GPNMB: variants seen among roughly 807,000 people sequenced by gnomAD.
GPNMB encodes the protein glycoprotein nmb.
Under a neutral mutation model 57.3 loss-of-function variants are expected in GPNMB, and 71 were observed. The ratio of observed to expected loss-of-function variants is 1.24; its 90% CI spans 1.02 to 1.51. The LOEUF (loss-of-function observed/expected upper bound fraction) is 1.51. GPNMB is among the 40% of genes most tolerant of loss of function. GPNMB has a pLI of 0.00. For synonymous variants in GPNMB, 253 were observed against 263.2 expected, an observed-to-expected ratio of 0.96 and a Z score of 0.38; for missense variants, 677 against 691.9, an observed-to-expected ratio of 0.98 and a Z score of 0.24.
chr7:23,246,786 G>A lies in GPNMB; in HGVS notation c.-72G>A. The A allele has an allele frequency of 2.8e-6, 3 of 1,089,966 alleles. No individual in the cohort carries two copies. The South Asian group carries it at 3.7e-5, about 14-fold the overall frequency. 67.5% of individuals were successfully genotyped at this position (1,089,966 alleles called of 1,614,324 possible). A position where few individuals can be genotyped will look rare whatever the true frequency, so the allele number is the denominator to read the frequency against. On this transcript the variant is annotated 5_prime_UTR_variant, in exon 1 of 11. Transcript: ENST00000258733. ...GCACCACAGATGCCAGAAGAACACT[G>A]TTGCTCTTGGTGGACGGGCCCAGAG...
At chr7:23,257,218 A>G in intron 4 of GPNMB, 153 bp downstream of exon 4, 1 of 717,410 alleles carries the variant, frequency 1.4e-6, no homozygotes, top group Non-Finnish European at 2.5e-6. Flanking sequence ...GTGAGAGATA[A>G]AAATGAAATC....
At chr7:23,258,421 T>C (rs906446541) in intron 4 of GPNMB, among the ~76,000 whole-genome samples, 1 of 152,200 alleles carries the variant, frequency 6.6e-6, no homozygotes, top group Non-Finnish European at 1.5e-5. Flanking sequence ...TTCACTGCCA[T>C]TACGACCCCA....
At chr7:23,252,452 G>A (rs192807713) in intron 1 of GPNMB, among the ~76,000 whole-genome samples, 2 of 152,272 alleles carry the variant, frequency 1.3e-5, no homozygotes, top group Admixed American at 1.3e-4. Flanking sequence ...AGATATACCA[G>A]TTAAACACTA....
intron 4 of GPNMB, among the ~76,000 whole-genome samples, chr7:23,259,135 C>T (rs1310834482): frequency 1.3e-5 from 2 of 152,184 alleles, no homozygotes; most frequent in African/African-American, 2.4e-5. Flanking sequence ...GCCTGTGGAA[C>T]CACCCCATTC....
chr7:23,265,895 AT>A (rs1203291221), intron 6 of GPNMB, among the ~76,000 whole-genome samples: 1 of 149,190 alleles, frequency 6.7e-6, no homozygotes, highest in Non-Finnish European at 1.5e-5. Context: ...ATATAACTGC[AT>A]CTAGTATGGC....
intron 7 of GPNMB, among the ~76,000 whole-genome samples, chr7:23,267,575 G>T (rs1476757609): frequency 1.3e-5 from 2 of 152,158 alleles, no homozygotes; most frequent in Non-Finnish European, 1.5e-5. Flanking sequence ...ACATTCGGTG[G>T]CTGGTGAGGA....
chr7:23,249,327 C>T (rs995007698), intron 1 of GPNMB, among the ~76,000 whole-genome samples: 18 of 152,178 alleles, frequency 1.2e-4, no homozygotes, highest in African/African-American at 4.3e-4. Context: ...TGGTTTGCCC[C>T]AGTGGTATCA....
At chr7:23,252,644 G>T (rs902148775) in intron 1 of GPNMB, among the ~76,000 whole-genome samples, 1 of 151,962 alleles carries the variant, frequency 6.6e-6, no homozygotes, top group Non-Finnish European at 1.5e-5. Context: ...ACAGGCAATT[G>T]GAAAAACCAC....
chr7:23,260,214 C>A, intron 5 of GPNMB, 76 bp downstream of exon 5: 1 of 1,494,470 alleles, frequency 6.7e-7, no homozygotes, highest in South Asian at 1.2e-5. Context: ...AGAGGTAAGG[C>A]CAAGTGTTCG....
intron 6 of GPNMB, among the ~76,000 whole-genome samples, chr7:23,263,834 G>C (rs1178018627): frequency 1.3e-5 from 2 of 149,532 alleles, no homozygotes; most frequent in African/African-American, 5.0e-5. Context: ...ATATTAAAGG[G>C]CTTGGATGAC....
intron 6 of GPNMB, among the ~76,000 whole-genome samples, chr7:23,263,612 CA>C (rs750640697): frequency 0.12 from 7,413 of 63,002 alleles, 183 homozygotes; most frequent in African/African-American, 0.17. Flanking sequence ...AACTCTGTCT[CA>C]AAAAAAAAAA....
At chr7:23,267,842 C>T (rs1261853577) in intron 7 of GPNMB, 44 bp from the exon 8 acceptor site, 1 of 1,249,282 alleles carries the variant, frequency 8.0e-7, no homozygotes, top group Non-Finnish European at 1.2e-6. Flanking sequence ...TGTTTGATTT[C>T]TGTTGTATTT....
chr7:23,258,426 A>G (rs1782833436), intron 4 of GPNMB, among the ~76,000 whole-genome samples: 1 of 152,130 alleles, frequency 6.6e-6, no homozygotes, highest in Non-Finnish European at 1.5e-5. Flanking sequence ...TGCCATTACG[A>G]CCCCATTAGC....
At chr7:23,254,848 T>G (rs1301393124) in intron 3 of GPNMB, among the ~76,000 whole-genome samples, 1 of 152,144 alleles carries the variant, frequency 6.6e-6, no homozygotes, top group East Asian at 1.9e-4. Flanking sequence ...CAAGGGAAAT[T>G]ATCTTGTCAG....
rs904332052 is a variant in GPNMB, at chr7:23,259,815, A to G, written c.542-165A>G. On this transcript the variant is annotated intron_variant, in intron 4 of 10. Transcript: ENST00000258733. ...CTGTGGGTTTGTTTTATAAGATTTT[A>G]CATTAAAATGAGCACCATCTCCCTT... Among the ~76,000 whole-genome samples, 22 of 152,232 alleles carry G rather than the reference A, an allele frequency of 1.4e-4. 1 individual carries two copies. Among genetic ancestry groups the G allele is most frequent in the African/African-American group, 4.6e-4 (19 of 41,456 alleles).
At chr7:23,250,859 C>T (rs1583813139) in intron 1 of GPNMB, 1 of 152,248 alleles carries the variant, frequency 6.6e-6, no homozygotes, top group Non-Finnish European at 1.5e-5. Flanking sequence ...AAAGATGACC[C>T]TAGGTGAATC....
intron 6 of GPNMB, among the ~76,000 whole-genome samples, chr7:23,263,034 AT>A (rs146257332): frequency 0.034 from 5,095 of 152,016 alleles, 258 homozygotes; most frequent in African/African-American, 0.11. Context: ...AGGAGAAGCA[AT>A]TTTTTTTATC....
At position 23,269,963 on chromosome 7, in the gene GPNMB, G is replaced by A. The variant is rs750752142; in HGVS notation, c.1221-4G>A. 1.1e-5 allele frequency: 18 copies of A among 1,612,096 alleles called. No homozygotes were observed. Among genetic ancestry groups the A allele is most frequent in the Admixed American group, 3.3e-5 (2 of 59,950 alleles). ...TGCGCCCTCGCCCACCTCCCCTGTC[G>A]CAGCATTCCCACGGAGGTCTGTACC... On this transcript the variant is annotated splice_region_variant and splice_polypyrimidine_tract_variant and intron_variant, in intron 8 of 10. Coordinates refer to ENST00000258733, the MANE Select transcript of GPNMB (RefSeq NM_002510.3).
At chr7:23,268,425 T>A (rs78611171) in intron 8 of GPNMB, among the ~76,000 whole-genome samples, 6,259 of 152,242 alleles carry the variant, frequency 0.041, 358 homozygotes, top group East Asian at 0.12. Context: ...AGCTCCCAGG[T>A]AGTTGTCTAT....
Sources: gnomAD v4.1 joint callset for allele counts (sites outside exome capture counted in the v4.1 genomes callset) on GRCh38, gnomAD v4.1.1 for gene constraint, MANE v1.5 for transcripts, NCBI Gene and HGNC (gene_info 2026-07-23, HGNC 2026-07-21) for gene names.